Variants in ZNF804A observed in about 807,000 individuals in gnomAD.
ZNF804A encodes the protein zinc finger protein 804A.
ZNF804A carries 2 observed loss-of-function variants against 16.5 expected under a neutral mutation model. That is an observed-to-expected ratio of 0.12 (90% CI 0.05 to 0.38). ZNF804A has a LOEUF of 0.38. Among genes scored for constraint, ZNF804A ranks in the 10% least tolerant of loss-of-function variants. The pLI, the probability that ZNF804A is intolerant of heterozygous loss-of-function variation, is 0.99. For missense variants in ZNF804A, 1,473 were observed against 1,390.7 expected (o/e 1.06, Z -0.94); for synonymous variants, 534 against 489.6 (o/e 1.09, Z -1.20).
chr2:184,909,574 T>A (rs1409483983), intron 2 of ZNF804A, among the ~76,000 whole-genome samples: 1 of 152,044 alleles, frequency 6.6e-6, no homozygotes. Context: ...ATTTAAAATG[T>A]TCATGGTATT....
chr2:184,734,818 T>A (rs902068483), intron 1 of ZNF804A, among the ~76,000 whole-genome samples: 2 of 152,138 alleles, frequency 1.3e-5, no homozygotes, highest in Non-Finnish European at 1.5e-5. Flanking sequence ...ATTCTAGCAG[T>A]TTTTTCCTCG....
chr2:184,704,045 A>T (rs1692978303), intron 1 of ZNF804A, among the ~76,000 whole-genome samples: 1 of 152,196 alleles, frequency 6.6e-6, no homozygotes, highest in Admixed American at 6.5e-5. Context: ...GGGTACCACC[A>T]GCCACAATGT....
chr2:184,685,382 CCTT>C (rs1160771017), intron 1 of ZNF804A, among the ~76,000 whole-genome samples: 12 of 152,162 alleles, frequency 7.9e-5, no homozygotes, highest in Admixed American at 6.5e-4. Context: ...GCTCTTCTCT[CCTT>C]CTTGTTATCT....
chr2:184,893,813 T>G (rs1685022584), intron 2 of ZNF804A, among the ~76,000 whole-genome samples: 1 of 152,120 alleles, frequency 6.6e-6, no homozygotes, highest in Non-Finnish European at 1.5e-5. Flanking sequence ...TATACTGAAC[T>G]TTTTGTGTTA....
intron 1 of ZNF804A, among the ~76,000 whole-genome samples, chr2:184,784,232 A>T (rs527243466): frequency 1.3e-5 from 2 of 152,028 alleles, no homozygotes; most frequent in Non-Finnish European, 2.9e-5. Flanking sequence ...TGGCTCTAAG[A>T]TAACTATTCC....
intron 1 of ZNF804A, among the ~76,000 whole-genome samples, chr2:184,641,771 T>C (rs1377553453): frequency 1.3e-5 from 2 of 152,212 alleles, no homozygotes; most frequent in African/African-American, 4.8e-5. Flanking sequence ...TTTTCTAGAA[T>C]TTAATTGCAA....
At chr2:184,912,144 T>C (rs1202840803) in intron 2 of ZNF804A, among the ~76,000 whole-genome samples, 1 of 152,006 alleles carries the variant, frequency 6.6e-6, no homozygotes, top group African/African-American at 2.4e-5. Context: ...CTTTATACAG[T>C]CACTCCCATT....
At chr2:184,916,447 G>A (rs1685450341) in intron 2 of ZNF804A, among the ~76,000 whole-genome samples, 2 of 152,144 alleles carry the variant, frequency 1.3e-5, no homozygotes, top group African/African-American at 4.8e-5. Flanking sequence ...CATATGAGGA[G>A]ACAGAAGTCT....
chr2:184,711,904 C>T (rs921341885), intron 1 of ZNF804A, among the ~76,000 whole-genome samples: 7 of 151,522 alleles, frequency 4.6e-5, no homozygotes, highest in African/African-American at 7.3e-5. Flanking sequence ...TTTTGAAATT[C>T]GGAATTGTAA....
chr2:184,801,986 T>C (rs2105783059), intron 1 of ZNF804A, among the ~76,000 whole-genome samples: 1 of 152,052 alleles, frequency 6.6e-6, no homozygotes, highest in Admixed American at 6.6e-5. Context: ...TGTCAGAGGC[T>C]TCAAATGTCT....
At chr2:184,801,166 G>A (rs75675852) in intron 1 of ZNF804A, among the ~76,000 whole-genome samples, 1 of 152,140 alleles carries the variant, frequency 6.6e-6, no homozygotes, top group Non-Finnish European at 1.5e-5. Context: ...AATTTCTGTT[G>A]ACAATTGTCT....
chr2:184,638,395 A>C (rs1312094505), intron 1 of ZNF804A, among the ~76,000 whole-genome samples: 1 of 152,182 alleles, frequency 6.6e-6, no homozygotes, highest in Admixed American at 6.5e-5. Flanking sequence ...CAATTTTCAA[A>C]GACTGCAAAA....
At chr2:184,660,658 G>T (rs1363832814) in intron 1 of ZNF804A, among the ~76,000 whole-genome samples, 1 of 152,220 alleles carries the variant, frequency 6.6e-6, no homozygotes, top group Non-Finnish European at 1.5e-5. Context: ...AGAGCCATTT[G>T]TGTTTGCCTT....
At chr2:184,934,231 G>A (rs745981269) in intron 3 of ZNF804A, among the ~76,000 whole-genome samples, 9 of 152,000 alleles carry the variant, frequency 5.9e-5, no homozygotes, top group Non-Finnish European at 8.8e-5. Context: ...ATTCTAACTG[G>A]GCTGTTAGAG....
chr2:184,822,533 A>G (rs1207253699), intron 1 of ZNF804A, among the ~76,000 whole-genome samples: 2 of 152,138 alleles, frequency 1.3e-5, no homozygotes, highest in African/African-American at 4.8e-5. Context: ...AAAGTTGAAG[A>G]AAAGGTAAAT....
rs545536080 is a variant in ZNF804A at position 184,836,414 on chromosome 2, C to T, written c.112-29955C>T. ...GGAATAAGTCATTACAGACAAGATA[C>T]AGAATCAGTGTCTTAGAGGGAAGAG... On this transcript the variant is annotated intron_variant, in intron 1 of 3. Coordinates refer to ENST00000302277, the MANE Select transcript of ZNF804A (RefSeq NM_194250.2). Among the ~76,000 whole-genome samples, 3 of 152,174 alleles carry T rather than the reference C, an allele frequency of 2.0e-5. No homozygotes were observed. The East Asian group carries it at 5.8e-4, about 29-fold the overall frequency.
chr2:184,847,410 T>C (rs529615755), intron 1 of ZNF804A, among the ~76,000 whole-genome samples: 1 of 152,110 alleles, frequency 6.6e-6, no homozygotes, highest in Non-Finnish European at 1.5e-5. Flanking sequence ...TTCAAAATCA[T>C]CTTATGATCC....
intron 1 of ZNF804A, among the ~76,000 whole-genome samples, chr2:184,684,769 T>A (rs1692600949): frequency 1.3e-5 from 2 of 152,068 alleles, no homozygotes; most frequent in Admixed American, 1.3e-4. Context: ...TCTGTTAAAG[T>A]TAATATTTAG....
At chr2:184,880,386 C>G (rs1232274234) in intron 2 of ZNF804A, among the ~76,000 whole-genome samples, 4 of 151,724 alleles carry the variant, frequency 2.6e-5, no homozygotes, top group Non-Finnish European at 5.9e-5. Flanking sequence ...GCAGCTAGTT[C>G]TTTTCTTTGT....
Sources: allele counts gnomAD v4.1 joint callset (sites outside exome capture counted in the v4.1 genomes callset), GRCh38; gene constraint gnomAD v4.1.1; transcripts MANE v1.5; gene names NCBI Gene and HGNC (gene_info 2026-07-23, HGNC 2026-07-21).